The following PCDHGA8 variants were observed in gnomAD, a reference collection of about 807,000 sequenced individuals.
PCDHGA8 encodes the protein protocadherin gamma-A8.
Under a neutral mutation model 59.2 loss-of-function variants are expected in PCDHGA8, and 45 were observed. The ratio of observed to expected loss-of-function variants is 0.76; its 90% CI spans 0.60 to 0.98. The LOEUF (loss-of-function observed/expected upper bound fraction) is 0.98, where lower values mean the gene tolerates loss of function less well. Ranked by LOEUF, PCDHGA8 falls within the 50% of genes least tolerant of loss-of-function variation. The pLI is 0.00. For synonymous variants in PCDHGA8, 531 were observed against 519.0 expected (o/e 1.02, Z -0.32); for missense variants, 1,257 against 1,196.2 (o/e 1.05, Z -0.75).
At chr5:141,422,664 C>T (rs2096662670) in intron 1 of PCDHGA8, 4 of 1,608,458 alleles carry the variant, frequency 2.5e-6, no homozygotes, top group Non-Finnish European at 3.4e-6. Flanking sequence ...CCGCCCTCGA[C>T]CCGGACAGCA....
intron 3 of PCDHGA8, chr5:141,508,415 A>T (rs2099868684): frequency 6.6e-6 from 1 of 152,158 alleles, no homozygotes; most frequent in Non-Finnish European, 1.5e-5. Context: ...CCACGCAGAG[A>T]CTTGACCAAG....
intron 2 of PCDHGA8, among the ~76,000 whole-genome samples, chr5:141,500,254 G>A (rs1260325865): frequency 1.3e-5 from 2 of 150,426 alleles, no homozygotes; most frequent in Non-Finnish European, 3.0e-5. Context: ...TGTCACCCAG[G>A]CTGGACTGCA....
intron 1 of PCDHGA8, among the ~76,000 whole-genome samples, chr5:141,445,978 TTATAAA>T (rs551337386): frequency 6.6e-6 from 1 of 152,272 alleles, no homozygotes; most frequent in East Asian, 1.9e-4. Context: ...TTTATGAGGG[TTATAAA>T]TAGAAATAGG....
At chr5:141,395,542 TTGTGTGTGTGTGTGTGTGTGTG>T (rs55729045) in intron 1 of PCDHGA8, 19 of 172,620 alleles carry the variant, frequency 1.1e-4, no homozygotes, top group Admixed American at 1.0e-3. Context: ...TTGCTATTGT[TTGTGTGTGTGTGTGTGTGTGTG>T]TGTGTGTGTG....
Position 141,491,349 on chromosome 5 carries a change from C to G in PCDHGA8, c.2425-3458C>G. 6.2e-7 allele frequency: 1 copy of G among 1,614,168 alleles called. No individual in the cohort carries two copies. Among genetic ancestry groups the G allele is most frequent in the Non-Finnish European group, 8.5e-7 (1 of 1,180,016 alleles). ...TTGTGGCTCTAGCGACCGTCAGTCT[C>G]TTATCCCTAGTCACCTTCACCTTTC... is the stretch of plus-strand genomic sequence containing the variant. On this transcript the variant is annotated intron_variant, in intron 1 of 3. Transcript: ENST00000398604. The surrounding 1 kb of genome is among the most constrained non-coding windows in gnomAD (Gnocchi z 6.9).
At position 141,408,867 on chromosome 5, in the gene PCDHGA8, G is replaced by T. The variant is rs376342658; in HGVS notation, c.2424+13630G>T. 5.5e-5 allele frequency: 88 copies of T among 1,613,574 alleles called. No homozygotes were observed. The highest frequency in any genetic ancestry group is 6.8e-5 in the Non-Finnish European group (80 of 1,179,830). ...GCCTTGGACGGAGGGGACCCACCAA[G>T]AAGTGCCACCGCTCACATAGAAATT... On this transcript the variant is annotated intron_variant, in intron 1 of 3. Transcript: ENST00000398604.
At chr5:141,505,563 T>C in intron 3 of PCDHGA8, 82 bp downstream of exon 3, 1 of 1,603,814 alleles carries the variant, frequency 6.2e-7, no homozygotes, top group Non-Finnish European at 8.5e-7. Flanking sequence ...GCCCACGGAC[T>C]GGATGTCAAA....
chr5:141,453,870 C>A (rs932804656), intron 1 of PCDHGA8, among the ~76,000 whole-genome samples: 2 of 152,146 alleles, frequency 1.3e-5, no homozygotes, highest in African/African-American at 4.8e-5. Context: ...AACAGATGAG[C>A]AAAATAATGT....
chr5:141,502,383 G>A (rs941410477), intron 2 of PCDHGA8, among the ~76,000 whole-genome samples: 2 of 151,846 alleles, frequency 1.3e-5, no homozygotes, highest in African/African-American at 4.8e-5. Context: ...CAGGCCAGTT[G>A]TACTTTAAAA....
chr5:141,402,921 T>C (rs1486440819), intron 1 of PCDHGA8: 1 of 1,575,122 alleles, frequency 6.3e-7, no homozygotes. Context: ...CGCACAGAGA[T>C]CCTTTTGAGA....
rs1236074950 is a variant in PCDHGA8 at position 141,489,119 on chromosome 5, C to G, written c.2425-5688C>G. On this transcript the variant is annotated intron_variant, in intron 1 of 3. Transcript: ENST00000398604. This position sits in a 1 kb window ranked among gnomAD's most constrained non-coding sequence, Gnocchi z 4.5. ...GAACTGCTGCAAGCAGGCAAACCTC[C>G]GAGCAGTTTTTAAGAGGCTGGAAGG... The G allele has an allele frequency of 1.5e-6, 1 of 650,358 alleles. No individual in the cohort carries two copies. Among genetic ancestry groups the G allele is most frequent in the Non-Finnish European group, 2.5e-6 (1 of 400,690 alleles). The allele number at this position is 650,358 out of a possible 1,614,324, so 40.3% of individuals were successfully genotyped here. A position where few individuals can be genotyped will look rare whatever the true frequency, so the allele number is the denominator to read the frequency against.
At chr5:141,403,081 T>C (rs772246285) in intron 1 of PCDHGA8, 1 of 1,614,048 alleles carries the variant, frequency 6.2e-7, no homozygotes, top group East Asian at 2.2e-5. Flanking sequence ...AAAAGGGCTA[T>C]ATTGTGGGCA....
chr5:141,418,637 T>A, intron 1 of PCDHGA8: 1 of 1,613,998 alleles, frequency 6.2e-7, no homozygotes. Context: ...TCCAGGCACC[T>A]CCATCCTGAG....
Position 141,393,251 on chromosome 5 carries a change from G to A in PCDHGA8, c.438G>A (p.Ala146=). Residue 146 remains alanine (A), a synonymous_variant, in exon 1 of 4, where the codon GCG becomes GCA. Transcript: ENST00000398604. ...EDLEVKINEI[A]VPGARYPLPE... ...TAGAAGTAAAAATTAACGAAATCGCGGTTCCTGGAGCACGTTATCCACTCC... is the reference window on the plus strand; with the variant it reads ...TAGAAGTAAAAATTAACGAAATCGCAGTTCCTGGAGCACGTTATCCACTCC... 6.2e-7 allele frequency: 1 copy of A among 1,613,814 alleles called. No individual in the cohort carries two copies. The highest frequency in any genetic ancestry group is 8.5e-7 in the Non-Finnish European group (1 of 1,179,906).
chr5:141,425,934 G>A lies in PCDHGA8; in HGVS notation c.2424+30697G>A, dbSNP rs1237431530. Among the ~76,000 whole-genome samples, 4 of 152,352 alleles carry A rather than the reference G, an allele frequency of 2.6e-5. 1 individual carries two copies. Among genetic ancestry groups the A allele is most frequent in the East Asian group, 1.9e-4 (1 of 5,188 alleles). On this transcript the variant is annotated intron_variant, in intron 1 of 3. Coordinates refer to ENST00000398604, the MANE Select transcript of PCDHGA8 (RefSeq NM_032088.2). ...CAGTCACTACGAAAACTCATAAAAT[G>A]TCTAGTTTCCTATACATTAGTCCAA...
chr5:141,409,369 C>T, intron 1 of PCDHGA8: 1 of 1,613,986 alleles, frequency 6.2e-7, no homozygotes, highest in Non-Finnish European at 8.5e-7. Flanking sequence ...TAGAAACAGA[C>T]ATTCCATTCA....
At chr5:141,443,728 C>T (rs1434984241) in intron 1 of PCDHGA8, among the ~76,000 whole-genome samples, 1 of 152,060 alleles carries the variant, frequency 6.6e-6, no homozygotes, top group Admixed American at 6.5e-5. Flanking sequence ...ATTCCTCATA[C>T]ATTTCCCTAT....
intron 1 of PCDHGA8, among the ~76,000 whole-genome samples, chr5:141,425,114 T>A (rs537694464): frequency 5.9e-5 from 9 of 152,326 alleles, no homozygotes; most frequent in African/African-American, 2.2e-4. Context: ...TGCCTACATT[T>A]TTCTTGAAGT....
At position 141,476,112 on chromosome 5, in the gene PCDHGA8, G is replaced by A. The variant is rs1201449171; in HGVS notation, c.2425-18695G>A. 2.5e-6 allele frequency: 4 copies of A among 1,590,646 alleles called. No homozygotes were observed. Among genetic ancestry groups the A allele is most frequent in the Non-Finnish European group, 2.6e-6 (3 of 1,170,830 alleles). ...CCCCGCTGAGAGGAACTGCTTTTGA[G>A]TGAGATGGTCCCAGAGGCCTGGAGG... On this transcript the variant is annotated intron_variant, in intron 1 of 3. Transcript: ENST00000398604. The surrounding 1 kb of genome is among the most constrained non-coding windows in gnomAD (Gnocchi z 7.6).
Sources: allele counts gnomAD v4.1 joint callset (sites outside exome capture counted in the v4.1 genomes callset), GRCh38; gene constraint gnomAD v4.1.1; non-coding constraint Gnocchi (gnomAD v3.1); transcripts MANE v1.5; gene names NCBI Gene and HGNC (gene_info 2026-07-23, HGNC 2026-07-21).